Variants in CEP76 observed in about 807,000 individuals in gnomAD.
The protein encoded by CEP76 is centrosomal protein of 76 kDa.
Under a neutral mutation model 83.3 loss-of-function variants are expected in CEP76, and 55 were observed. That is an observed-to-expected ratio of 0.66 (90% CI 0.53 to 0.83). CEP76 has a LOEUF of 0.83. CEP76 is among the 40% of genes least tolerant of loss of function. The probability of loss-of-function intolerance (pLI) is 0.00; values close to 1 mark genes in which losing one functional copy is unlikely to be tolerated. For synonymous variants in CEP76, 270 were observed against 274.5 expected (o/e 0.98, Z 0.16); for missense variants, 694 against 799.5 (o/e 0.87, Z 1.59).
chr18:12,678,556 T>A, intron 9 of CEP76, 114 bp from the exon 10 acceptor site: 1 of 647,200 alleles, frequency 1.5e-6, no homozygotes, highest in Non-Finnish European at 2.6e-6. Context: ...AACTACAGTT[T>A]AATACTTGTT....
chr18:12,702,682 G>T lies in CEP76; in HGVS notation c.-134C>A. 1 of 1,016,716 alleles carries T rather than the reference G, an allele frequency of 9.8e-7. No individual in the cohort carries two copies. The highest frequency in any genetic ancestry group is 1.4e-6 in the Non-Finnish European group (1 of 725,030). 63.0% of individuals were successfully genotyped at this position (1,016,716 alleles called of 1,614,324 possible). On this transcript the variant is annotated 5_prime_UTR_variant, in exon 1 of 12. Transcript: ENST00000262127. ...AGCCGTTCGCCTAGCGCAGCTCCCG[G>T]GGGACGCAACGCCGCGTCAGGCCGG... is the stretch of plus-strand genomic sequence containing the variant.
chr18:12,673,248 G>A lies in CEP76; in HGVS notation c.*117C>T, dbSNP rs1184518254. 2.7e-5 allele frequency: 39 copies of A among 1,435,794 alleles called. No homozygotes were observed. Among genetic ancestry groups the A allele is most frequent in the Non-Finnish European group, 3.5e-5 (38 of 1,097,652 alleles). The allele number at this position is 1,435,794 out of a possible 1,614,324, so 88.9% of individuals were successfully genotyped here. Reference sequence around the variant, plus strand: ...CCAGTCAAGTATATACAAAATTGAAGTATGCCATTCAAGCCAGATTGTGAT... The same window carrying A: ...CCAGTCAAGTATATACAAAATTGAAATATGCCATTCAAGCCAGATTGTGAT... On this transcript the variant is annotated 3_prime_UTR_variant, in exon 12 of 12. Coordinates refer to ENST00000262127, the MANE Select transcript of CEP76 (RefSeq NM_024899.4).
rs1287735258 is a variant in CEP76, at chr18:12,680,786, G to A, written c.1165C>T (p.Leu389Phe). The A allele has an allele frequency of 6.2e-7, 1 of 1,613,672 alleles. No individual in the cohort carries two copies. The highest frequency in any genetic ancestry group is 1.7e-5 in the Admixed American group (1 of 59,964). The change falls in exon 9 of 12, where the codon CTT (leucine) becomes TTT (phenylalanine). Residue 389 changes from leucine (L) to phenylalanine (F), a missense_variant. Leu to Phe is a conservative substitution (Grantham distance 22). Coordinates refer to ENST00000262127, the MANE Select transcript of CEP76 (RefSeq NM_024899.4). ...ACAAAGGCTTCTAATCCATATCCAA[G>A]AAGAAGGCTGCACAGAAGGTTAGCG... ...DHANLLCSLL[L>F]GYGLEAFVCV...
intron 8 of CEP76, 44 bp from the exon 9 acceptor site, chr18:12,680,872 T>G (rs1482166845): frequency 1.3e-6 from 2 of 1,524,304 alleles, no homozygotes; most frequent in South Asian, 1.2e-5. Flanking sequence ...TCCATATTAT[T>G]TCCTCATTAC....
Position 12,691,358 on chromosome 18 carries a change from C to A in CEP76, c.933+1G>T. ...AAATTATTCTAATATAATTTACAAACCTGTGCAAAAATCTTAACCAGTCGT... is the reference window on the plus strand; with the variant it reads ...AAATTATTCTAATATAATTTACAAAACTGTGCAAAAATCTTAACCAGTCGT... On this transcript the variant is annotated splice_donor_variant, in intron 7 of 11. Coordinates refer to ENST00000262127, the MANE Select transcript of CEP76 (RefSeq NM_024899.4). LOFTEE classifies it high-confidence loss of function. The A allele has an allele frequency of 6.4e-7, 1 of 1,561,504 alleles. No homozygotes were observed. Among genetic ancestry groups the A allele is most frequent in the Non-Finnish European group, 8.7e-7 (1 of 1,154,216 alleles).
chr18:12,688,246 A>C (rs933107682), intron 7 of CEP76, among the ~76,000 whole-genome samples: 7 of 151,836 alleles, frequency 4.6e-5, no homozygotes, highest in South Asian at 2.1e-4. Context: ...AAAAAAAAAA[A>C]ACAAAACCTA....
chr18:12,689,554 G>A (rs958470772), intron 7 of CEP76, among the ~76,000 whole-genome samples: 1 of 151,896 alleles, frequency 6.6e-6, no homozygotes, highest in Admixed American at 6.6e-5. Flanking sequence ...ATCTTAAAAT[G>A]AATTCTGAGA....
chr18:12,684,788 A>G (rs1015239904), intron 8 of CEP76: 1 of 151,146 alleles, frequency 6.6e-6, no homozygotes, highest in African/African-American at 2.4e-5. Flanking sequence ...TGGCCTAAAG[A>G]TAGTTTTACT....
intron 6 of CEP76, among the ~76,000 whole-genome samples, chr18:12,694,195 G>A (rs549079369): frequency 6.6e-6 from 1 of 152,296 alleles, no homozygotes; most frequent in East Asian, 1.9e-4. Flanking sequence ...CTAGAGATTA[G>A]AGGGAGATGA....
Position 12,673,424 on chromosome 18 carries a change from G to T in CEP76, c.1921C>A (p.Pro641Thr). 1 of 1,604,858 alleles carries T rather than the reference G, an allele frequency of 6.2e-7. No homozygotes were observed. Among genetic ancestry groups the T allele is most frequent in the Non-Finnish European group, 8.5e-7 (1 of 1,176,968 alleles). Residue 641 changes from proline to threonine, a missense_variant, in exon 12 of 12, where the codon CCT (proline) becomes ACT (threonine). Transcript: ENST00000262127. ...LAVRVRVFTY[P>T]ESACAVWIMF... Reference sequence around the variant, plus strand: ...ATCCAAACAGCACATGCAGATTCAGGGTAAGTAAATACTCGGACACGAACT... The same window carrying T: ...ATCCAAACAGCACATGCAGATTCAGTGTAAGTAAATACTCGGACACGAACT...
intron 8 of CEP76, 37 bp downstream of exon 8, chr18:12,686,225 T>C (rs2039535443): frequency 1.3e-6 from 2 of 1,517,374 alleles, no homozygotes; most frequent in African/African-American, 2.8e-5. Flanking sequence ...GTAACTATGA[T>C]ATACTGCTAC....
rs751708461 is a variant in CEP76, at chr18:12,699,089, G to C, written c.410C>G (p.Thr137Ser). ...PLPGQVCSTF[T>S]LCLHYRNQRF... ...TTGGTTTCGATAATGTAAACATAAA[G>C]TAAACGTTGAACAAACTTGTCCAGG... Residue 137 changes from threonine (T) to serine (S), a missense_variant, in exon 4 of 12, where the codon ACT becomes AGT. Transcript: ENST00000262127. The C allele has an allele frequency of 6.2e-7, 1 of 1,613,936 alleles. No homozygotes were observed.
At chr18:12,666,599 TG>T (rs2038808739) in intron 12 of CEP76, among the ~76,000 whole-genome samples, 1 of 151,918 alleles carries the variant, frequency 6.6e-6, no homozygotes, top group Admixed American at 6.6e-5. Flanking sequence ...GCACCATGCC[TG>T]GTTGTTGTTG....
rs761090714 is a variant in CEP76 at position 12,674,530 on chromosome 18, C to T, written c.1841+6G>A. ...TGAAAAAATGATTCCGTAAATTACA[C>T]CTTACCGAAGACATGTGGCAAATGC... On this transcript the variant is annotated splice_donor_region_variant and intron_variant, in intron 11 of 11. Coordinates refer to ENST00000262127, the MANE Select transcript of CEP76 (RefSeq NM_024899.4). The T allele has an allele frequency of 3.1e-6, 5 of 1,605,662 alleles. No homozygotes were observed. The highest frequency in any genetic ancestry group is 1.1e-5 in the South Asian group (1 of 90,852).
intron 10 of CEP76, among the ~76,000 whole-genome samples, chr18:12,675,823 C>A (rs2039108042): frequency 6.6e-6 from 1 of 151,994 alleles, no homozygotes; most frequent in Non-Finnish European, 1.5e-5. Flanking sequence ...CACCTGCCAC[C>A]ATGCCCGGCT....
chr18:12,699,464 A>G (rs979148897), intron 3 of CEP76, among the ~76,000 whole-genome samples: 1 of 152,214 alleles, frequency 6.6e-6, no homozygotes, highest in African/African-American at 2.4e-5. Flanking sequence ...GCCAATATGT[A>G]GTATACTTTT....
rs1316778146 is a variant in CEP76 at position 12,702,680 on chromosome 18, C to T, written c.-132G>A. 2.0e-6 allele frequency: 2 copies of T among 1,024,546 alleles called. No individual in the cohort carries two copies. Among genetic ancestry groups the T allele is most frequent in the Non-Finnish European group, 1.4e-6 (1 of 731,964 alleles). The allele number at this position is 1,024,546 out of a possible 1,614,324, so 63.5% of individuals were successfully genotyped here. A position where few individuals can be genotyped will look rare whatever the true frequency, so the allele number is the denominator to read the frequency against. ...GCAGCCGTTCGCCTAGCGCAGCTCC[C>T]GGGGGACGCAACGCCGCGTCAGGCC... On this transcript the variant is annotated 5_prime_UTR_variant, in exon 1 of 12. Coordinates refer to ENST00000262127, the MANE Select transcript of CEP76 (RefSeq NM_024899.4).
downstream of CEP76, among the ~76,000 whole-genome samples, chr18:12,669,058 T>TTTTTTTA (rs2038873511): frequency 7.8e-6 from 1 of 127,490 alleles, no homozygotes; most frequent in African/African-American, 2.8e-5. Context: ...TTTTTTTTTT[T>TTTTTTTA]GAGACAGAGT....
Position 12,674,605 on chromosome 18 carries a change from T to G in CEP76, c.1772A>C (p.His591Pro). Reference protein sequence around the residue: ...DAIRRAVPDGHTFKGFPIHFV... With the variant: ...DAIRRAVPDGPTFKGFPIHFV... The stretch of plus-strand genomic sequence containing the variant: ...ATGTATTGGGAACCCTTTAAATGTG[T>G]GACCATCAGGTACAGCCCTTCTTAT... Residue 591 changes from histidine (H) to proline (P), a missense_variant, in exon 11 of 12, where the codon CAC (histidine) becomes CCC (proline). Transcript: ENST00000262127. The G allele has an allele frequency of 1.2e-6, 2 of 1,614,162 alleles. No homozygotes were observed. The highest frequency in any genetic ancestry group is 1.7e-6 in the Non-Finnish European group (2 of 1,180,022).
Sources: allele counts gnomAD v4.1 joint callset (sites outside exome capture counted in the v4.1 genomes callset), GRCh38; gene constraint gnomAD v4.1.1; transcripts MANE v1.5; gene names NCBI Gene and HGNC (gene_info 2026-07-23, HGNC 2026-07-21).